ADCY10: variants seen among roughly 807,000 people sequenced by gnomAD.
ADCY10 encodes the protein adenylate cyclase 10.
A neutral mutation model predicts 183.3 loss-of-function variants in ADCY10; 156 were observed. The observed-to-expected ratio is 0.85, with a 90% CI of 0.75 to 0.97. ADCY10 has a LOEUF of 0.97. Ranked by LOEUF, ADCY10 falls within the 50% of genes least tolerant of loss-of-function variation. The probability of loss-of-function intolerance (pLI) is 0.00; values close to 1 mark genes in which losing one functional copy is unlikely to be tolerated. For missense variants in ADCY10, 1,745 were observed against 1,934.3 expected, an observed-to-expected ratio of 0.90 and a Z score of 1.84; for synonymous variants, 645 against 670.0, an observed-to-expected ratio of 0.96 and a Z score of 0.58.
intron 21 of ADCY10, among the ~76,000 whole-genome samples, chr1:167,841,953 A>C (rs1221192493): frequency 6.6e-6 from 1 of 152,254 alleles, no homozygotes; most frequent in African/African-American, 2.4e-5. Context: ...GTAGAAGATA[A>C]AGGAGTGAGA....
In ADCY10 at chr1:167,856,314, G is replaced by A. The variant is rs139645277; in HGVS notation, c.2022C>T (p.Pro674=). ...LPIFIIMSLC[P]FVNIPCAAAR... Reference sequence around the variant, plus strand: ...CAGCTGCACAGGGAATGTTAACGAAGGGACACAGGGACATAATGATGAAGA... The same window carrying A: ...CAGCTGCACAGGGAATGTTAACGAAAGGACACAGGGACATAATGATGAAGA... Residue 674 remains proline, a synonymous_variant, in exon 17 of 33, where the codon CCC becomes CCT. Coordinates refer to ENST00000367851, the MANE Select transcript of ADCY10 (RefSeq NM_018417.6). The A allele has an allele frequency of 2.2e-5, 35 of 1,613,942 alleles. No homozygotes were observed. The highest frequency in any genetic ancestry group is 3.3e-5 in the South Asian group (3 of 91,074).
intron 25 of ADCY10, among the ~76,000 whole-genome samples, chr1:167,832,661 AG>A (rs1663833070): frequency 7.0e-6 from 1 of 142,902 alleles, no homozygotes. Context: ...GCAGTGGTGC[AG>A]GTTCCATCCA....
chr1:167,865,494 T>C (rs964144038), intron 14 of ADCY10, among the ~76,000 whole-genome samples: 13 of 152,326 alleles, frequency 8.5e-5, no homozygotes, highest in African/African-American at 3.1e-4. Context: ...AATATGTCTA[T>C]GAGGTTTTAT....
chr1:167,903,921 C>G lies in ADCY10; in HGVS notation c.219G>C (p.Glu73Asp). Residue 73 changes from glutamate (E) to aspartate (D), a missense_variant, in exon 3 of 33, where the codon GAG becomes GAC. By Grantham distance (45) the Glu-to-Asp change is conservative (BLOSUM62 2). Coordinates refer to ENST00000367851, the MANE Select transcript of ADCY10 (RefSeq NM_018417.6). ...YMDRGAEQLVEILNYHISAIV... is the reference protein window; with the variant it reads ...YMDRGAEQLVDILNYHISAIV... ...TTGCACTTATGTGGTAGTTGAGGAT[C>G]TCCACCAACTGCTCAGCCCCTCTGT... The G allele has an allele frequency of 6.2e-7, 1 of 1,613,592 alleles. No homozygotes were observed. Among genetic ancestry groups the G allele is most frequent in the South Asian group, 1.1e-5 (1 of 91,070 alleles).
intron 12 of ADCY10, among the ~76,000 whole-genome samples, chr1:167,877,525 A>G (rs1056157867): frequency 2.6e-5 from 4 of 152,066 alleles, no homozygotes; most frequent in Admixed American, 6.6e-5. Context: ...CCATTCATTT[A>G]TTCATCATTA....
chr1:167,856,395 C>T lies in ADCY10; in HGVS notation c.1941G>A (p.Gln647=), dbSNP rs772437305. ...ERIIFIIDEA[Q]FVDSTSWRFM... Reference sequence around the variant, plus strand: ...ATCTCCAGGAGGTCGAATCCACAAACTGGGCCTCATCAATGATAAAAATAA... The same window carrying T: ...ATCTCCAGGAGGTCGAATCCACAAATTGGGCCTCATCAATGATAAAAATAA... Residue 647 remains glutamine (Q), a synonymous_variant, in exon 17 of 33, where the codon CAG becomes CAA. Transcript: ENST00000367851. 17 of 1,614,146 alleles carry T rather than the reference C, an allele frequency of 1.1e-5. 1 individual carries two copies. The highest frequency in any genetic ancestry group is 1.6e-4 in the Middle Eastern group (1 of 6,062).
intron 25 of ADCY10, among the ~76,000 whole-genome samples, chr1:167,829,811 AG>A (rs1190413063): frequency 3.9e-5 from 6 of 152,236 alleles, no homozygotes; most frequent in Non-Finnish European, 2.9e-5. Flanking sequence ...ACTCAGGTTA[AG>A]TAATTAAGGC....
At chr1:167,871,114 T>C (rs937825660) in intron 13 of ADCY10, among the ~76,000 whole-genome samples, 1 of 152,120 alleles carries the variant, frequency 6.6e-6, no homozygotes, top group African/African-American at 2.4e-5. Flanking sequence ...ACACTAGAAG[T>C]AATATGTAGA....
At chr1:167,894,560 A>C (rs1441217227) in intron 7 of ADCY10, among the ~76,000 whole-genome samples, 1 of 152,206 alleles carries the variant, frequency 6.6e-6, no homozygotes, top group Non-Finnish European at 1.5e-5. Context: ...TCAAAAAATA[A>C]GGGAGACAGA....
chr1:167,852,512 A>G (rs1665575830), intron 18 of ADCY10, among the ~76,000 whole-genome samples: 1 of 152,218 alleles, frequency 6.6e-6, no homozygotes, highest in South Asian at 2.1e-4. Flanking sequence ...AAACAAATGT[A>G]TAAAATTTAG....
chr1:167,911,636 C>T (rs1441243256), intron 1 of ADCY10, among the ~76,000 whole-genome samples: 3 of 152,188 alleles, frequency 2.0e-5, no homozygotes, highest in Non-Finnish European at 4.4e-5. Flanking sequence ...TTATAAATGA[C>T]CCCGTCTCCT....
intron 13 of ADCY10, among the ~76,000 whole-genome samples, chr1:167,872,049 T>C (rs1571360483): frequency 6.6e-6 from 1 of 151,934 alleles, no homozygotes; most frequent in African/African-American, 2.4e-5. Flanking sequence ...TAAAAAATAA[T>C]AAAGTTTCCA....
intron 8 of ADCY10, among the ~76,000 whole-genome samples, chr1:167,891,976 C>CT (rs376364252): frequency 0.079 from 11,001 of 139,982 alleles, 975 homozygotes; most frequent in African/African-American, 0.22. Context: ...TTTTTCTTTT[C>CT]TTTTTTTTTT....
At chr1:167,881,720 T>C (rs972943211) in intron 9 of ADCY10, among the ~76,000 whole-genome samples, 1 of 152,206 alleles carries the variant, frequency 6.6e-6, no homozygotes, top group African/African-American at 2.4e-5. Context: ...CTATCCCCAT[T>C]CAAAGAGGAA....
At chr1:167,854,557 T>C (rs1665749458) in intron 17 of ADCY10, 68 bp from the exon 18 acceptor site, 2 of 1,543,654 alleles carry the variant, frequency 1.3e-6, no homozygotes, top group Non-Finnish European at 9.0e-7. Flanking sequence ...AATATGTAAG[T>C]CTTCTCAATC....
At chr1:167,882,484 CAAAAAAAAAAA>C (rs71100909) in intron 9 of ADCY10, among the ~76,000 whole-genome samples, 1 of 71,142 alleles carries the variant, frequency 1.4e-5, no homozygotes, top group Non-Finnish European at 2.8e-5. Context: ...GATTCCGTCT[CAAAAAAAAAAA>C]AAAAAAAAAG....
At chr1:167,851,646 C>A (rs12036864) in intron 18 of ADCY10, among the ~76,000 whole-genome samples, 16,307 of 151,840 alleles carry the variant, frequency 0.11, 1,095 homozygotes, top group East Asian at 0.26. Context: ...GGTGGTGAAA[C>A]CCCGTCTCTA....
chr1:167,859,799 G>GCTCT lies in ADCY10; in HGVS notation c.1896+4_1896+7dup, dbSNP rs766919581. The GCTCT allele has an allele frequency of 2.5e-6, 4 of 1,608,320 alleles. No homozygotes were observed. The South Asian group carries it at 4.4e-5, about 18-fold the overall frequency. On this transcript the variant is annotated splice_region_variant and intron_variant, in intron 16 of 32. Coordinates refer to ENST00000367851, the MANE Select transcript of ADCY10 (RefSeq NM_018417.6). The stretch of plus-strand genomic sequence containing the variant: ...TCCCCCTACTTCTTGACCCACAGAT[G>GCTCT]CTCTTACCAGCTTCAAGATCTTCAT...
intron 8 of ADCY10, among the ~76,000 whole-genome samples, chr1:167,890,973 A>AT (rs1668546352): frequency 6.6e-6 from 1 of 151,920 alleles, no homozygotes; most frequent in African/African-American, 2.4e-5. Context: ...TTAGTTAGTT[A>AT]TTTTTTGAGA....
Sources: gnomAD v4.1 joint callset for allele counts (sites outside exome capture counted in the v4.1 genomes callset) on GRCh38, gnomAD v4.1.1 for gene constraint, MANE v1.5 for transcripts, NCBI Gene and HGNC (gene_info 2026-07-23, HGNC 2026-07-21) for gene names.